The following CNTN5 variants were observed in gnomAD, a reference collection of about 807,000 sequenced individuals.
The protein encoded by CNTN5 is contactin-5.
A neutral mutation model predicts 129.1 loss-of-function variants in CNTN5; 77 were observed. The observed-to-expected ratio is 0.60, with a 90% CI of 0.50 to 0.72. The LOEUF (loss-of-function observed/expected upper bound fraction) is 0.72. CNTN5 is among the 30% of genes least tolerant of loss of function. The pLI, the probability that CNTN5 is intolerant of heterozygous loss-of-function variation, is 0.00. For missense variants in CNTN5, 1,478 were observed against 1,328.8 expected, an observed-to-expected ratio of 1.11 and a Z score of -1.75; for synonymous variants, 509 against 465.6, an observed-to-expected ratio of 1.09 and a Z score of -1.20.
chr11:99,843,735 A>G lies in CNTN5; in HGVS notation c.278-1117A>G, dbSNP rs75612999. Among the ~76,000 whole-genome samples, 1,124 of 152,246 alleles carry G rather than the reference A, an allele frequency of 7.4e-3. 63 individuals are homozygous for G. The East Asian group carries it at 0.12, about 17-fold the overall frequency. On this transcript the variant is annotated intron_variant, in intron 4 of 24. Coordinates refer to ENST00000524871, the MANE Select transcript of CNTN5 (RefSeq NM_014361.4). ...GGCCACGGATGCTGCTAACCATTCT[A>G]CAATGCACAGGACAGCCCCGCCTCA...
chr11:99,716,897 G>C (rs1955259289), intron 3 of CNTN5, among the ~76,000 whole-genome samples: 2 of 152,038 alleles, frequency 1.3e-5, no homozygotes, highest in South Asian at 4.1e-4. Context: ...GTGTGTGCTG[G>C]AGAAAATAGA....
chr11:99,966,425 C>T (rs1951095404), intron 8 of CNTN5, among the ~76,000 whole-genome samples: 1 of 152,144 alleles, frequency 6.6e-6, no homozygotes, highest in Non-Finnish European at 1.5e-5. Context: ...ACAGAGATGA[C>T]CGCTTCTACA....
At chr11:99,771,856 T>G (rs182528767) in intron 3 of CNTN5, among the ~76,000 whole-genome samples, 261 of 152,070 alleles carry the variant, frequency 1.7e-3, no homozygotes, top group Non-Finnish European at 2.8e-3. Flanking sequence ...TAGCTTCCTT[T>G]ATGTGTTGGG....
intron 2 of CNTN5, among the ~76,000 whole-genome samples, chr11:99,546,557 C>T (rs1283767827): frequency 6.6e-6 from 1 of 152,092 alleles, no homozygotes; most frequent in Admixed American, 6.5e-5. Context: ...AAGTCTCCTC[C>T]TCACATTTGT....
At chr11:100,331,381 C>G (rs1056274236) in intron 21 of CNTN5, among the ~76,000 whole-genome samples, 5 of 151,990 alleles carry the variant, frequency 3.3e-5, no homozygotes, top group Admixed American at 6.6e-5. Flanking sequence ...AACACAATAA[C>G]AGTGGGATAC....
chr11:100,191,648 A>G (rs1265579714), intron 14 of CNTN5, among the ~76,000 whole-genome samples: 7 of 152,084 alleles, frequency 4.6e-5, no homozygotes, highest in African/African-American at 1.7e-4. Context: ...TGGGGCAGAA[A>G]GGAGCAGCAG....
intron 1 of CNTN5, among the ~76,000 whole-genome samples, chr11:99,122,330 T>C (rs1344772878): frequency 6.6e-6 from 1 of 152,134 alleles, no homozygotes; most frequent in Non-Finnish European, 1.5e-5. Context: ...CTTCATAATA[T>C]GAGTGAAAGG....
intron 7 of CNTN5, among the ~76,000 whole-genome samples, chr11:99,923,374 T>C (rs1477002458): frequency 6.6e-6 from 1 of 152,202 alleles, no homozygotes; most frequent in Admixed American, 6.5e-5. Flanking sequence ...TTGAGGGTTA[T>C]ATTGTAAAGG....
At chr11:99,955,058 TTTC>T (rs1950765885) in intron 7 of CNTN5, among the ~76,000 whole-genome samples, 4 of 152,146 alleles carry the variant, frequency 2.6e-5, no homozygotes, top group Non-Finnish European at 5.9e-5. Flanking sequence ...TGTTAGTTGC[TTTC>T]TTTTCTCTGT....
intron 7 of CNTN5, among the ~76,000 whole-genome samples, chr11:99,917,819 T>A (rs1949832734): frequency 2.0e-5 from 3 of 152,128 alleles, no homozygotes; most frequent in Non-Finnish European, 2.9e-5. Flanking sequence ...GAATTGCATA[T>A]ATGGTAAGAT....
At chr11:100,079,045 G>T (rs57813520) in intron 13 of CNTN5, among the ~76,000 whole-genome samples, 1 of 151,964 alleles carries the variant, frequency 6.6e-6, no homozygotes, top group African/African-American at 2.4e-5. Context: ...AGGAAAGGGG[G>T]AAGAGTGCCT....
intron 1 of CNTN5, among the ~76,000 whole-genome samples, chr11:99,241,474 A>T (rs534273240): frequency 5.3e-5 from 8 of 152,194 alleles, no homozygotes; most frequent in African/African-American, 1.9e-4. Context: ...CAAAATCACT[A>T]AATTTCAACT....
At chr11:99,502,739 A>T (rs1485346001) in intron 2 of CNTN5, among the ~76,000 whole-genome samples, 1 of 152,210 alleles carries the variant, frequency 6.6e-6, no homozygotes, top group Non-Finnish European at 1.5e-5. Context: ...GTTATGCTCT[A>T]GGTCCCTACT....
At chr11:99,404,291 T>C (rs993401552) in intron 2 of CNTN5, among the ~76,000 whole-genome samples, 15 of 151,244 alleles carry the variant, frequency 9.9e-5, no homozygotes, top group Non-Finnish European at 2.1e-4. Context: ...ATCAATGGTT[T>C]TTTTTTTTCT....
intron 15 of CNTN5, among the ~76,000 whole-genome samples, chr11:100,215,541 A>G (rs539866894): frequency 6.6e-6 from 1 of 152,296 alleles, no homozygotes; most frequent in South Asian, 2.1e-4. Context: ...TCATTATGCA[A>G]TAGTGTCATG....
intron 3 of CNTN5, among the ~76,000 whole-genome samples, chr11:99,751,694 G>A (rs536444412): frequency 6.6e-6 from 1 of 152,228 alleles, no homozygotes; most frequent in East Asian, 1.9e-4. Context: ...AATTACTGGT[G>A]TAAATATTTT....
intron 3 of CNTN5, among the ~76,000 whole-genome samples, chr11:99,616,962 T>A (rs999986691): frequency 6.6e-6 from 1 of 152,180 alleles, no homozygotes; most frequent in South Asian, 2.1e-4. Context: ...AATATAAAAA[T>A]TAGCTGGGCG....
chr11:99,663,642 T>A (rs960474820), intron 3 of CNTN5, among the ~76,000 whole-genome samples: 1 of 152,160 alleles, frequency 6.6e-6, no homozygotes, highest in Non-Finnish European at 1.5e-5. Context: ...TCCCCCATGC[T>A]GTTCTCCTGA....
chr11:100,296,434 G>T (rs1951101520), intron 18 of CNTN5, among the ~76,000 whole-genome samples: 1 of 151,496 alleles, frequency 6.6e-6, no homozygotes, highest in African/African-American at 2.4e-5. Flanking sequence ...TCCGTGAGAT[G>T]AACTCCACAT....
Sources: gnomAD v4.1 joint callset for allele counts (sites outside exome capture counted in the v4.1 genomes callset) on GRCh38, gnomAD v4.1.1 for gene constraint, MANE v1.5 for transcripts, NCBI Gene and HGNC (gene_info 2026-07-23, HGNC 2026-07-21) for gene names.